SETDB1: variants seen among roughly 807,000 people sequenced by gnomAD.
SETDB1 encodes the protein SET domain bifurcated histone lysine methyltransferase 1.
SETDB1 carries 31 observed loss-of-function variants against 137.4 expected under a neutral mutation model. That is an observed-to-expected ratio of 0.23 (90% CI 0.17 to 0.30). The LOEUF (loss-of-function observed/expected upper bound fraction) is 0.30, where lower values mean the gene tolerates loss of function less well. Among genes scored for constraint, SETDB1 ranks in the 10% least tolerant of loss-of-function variants. The pLI is 1.00. For synonymous variants in SETDB1, 548 were observed against 579.9 expected, an observed-to-expected ratio of 0.95 and a Z score of 0.79; for missense variants, 1,113 against 1,631.5, an observed-to-expected ratio of 0.68 and a Z score of 5.47.
At chr1:150,932,282 A>G (rs980693274) in intron 3 of SETDB1, among the ~76,000 whole-genome samples, 1 of 151,118 alleles carries the variant, frequency 6.6e-6, no homozygotes, top group Non-Finnish European at 1.5e-5. Context: ...CATGAGGGCT[A>G]TTGGTTTATA....
Position 150,950,023 on chromosome 1 carries a change from C to T in SETDB1, c.1584-435C>T, listed in dbSNP as rs1439538378. ...CCGAGGCGGGTGGATCACCTGAGGT[C>T]GGGAGTTCGAGACCAGCCTGGCCAA... On this transcript the variant is annotated intron_variant, in intron 12 of 21. Coordinates refer to ENST00000692827, the MANE Select transcript of SETDB1 (RefSeq NM_001366418.1). Among the ~76,000 whole-genome samples, 5 of 152,188 alleles carry T rather than the reference C, an allele frequency of 3.3e-5. No homozygotes were observed. The East Asian group carries it at 9.7e-4, about 29-fold the overall frequency.
chr1:150,954,216 G>A (rs1408159317), intron 14 of SETDB1, among the ~76,000 whole-genome samples: 1 of 152,150 alleles, frequency 6.6e-6, no homozygotes, highest in African/African-American at 2.4e-5. Flanking sequence ...CCAGCTACTT[G>A]AGAGGCAGAG....
intron 3 of SETDB1, among the ~76,000 whole-genome samples, chr1:150,934,079 G>A (rs958668658): frequency 6.6e-6 from 1 of 151,724 alleles, no homozygotes; most frequent in Non-Finnish European, 1.5e-5. Flanking sequence ...CACCACACCC[G>A]GCCCCTGATT....
chr1:150,940,094 C>A (rs1055187050), intron 4 of SETDB1, 120 bp downstream of exon 4: 2 of 641,666 alleles, frequency 3.1e-6, no homozygotes, highest in Middle Eastern at 2.7e-4. Context: ...GTGATCAGCC[C>A]TTTGCGTTGC....
intron 1 of SETDB1, chr1:150,926,725 C>A (rs1271539327): frequency 5.6e-6 from 3 of 532,860 alleles, no homozygotes; most frequent in Non-Finnish European, 1.2e-5. Context: ...AAAATGGAGG[C>A]GCTGAAAATC....
chr1:150,940,877 A>G (rs992026075), intron 4 of SETDB1, among the ~76,000 whole-genome samples: 1 of 152,136 alleles, frequency 6.6e-6, no homozygotes, highest in Non-Finnish European at 1.5e-5. Context: ...ACGTGCCTGT[A>G]GTCCCAGCTG....
At chr1:150,947,046 A>G (rs768112569) in intron 10 of SETDB1, 34 bp downstream of exon 10, 1 of 1,612,354 alleles carries the variant, frequency 6.2e-7, no homozygotes, top group Admixed American at 1.7e-5. Context: ...GGAAGGAAGA[A>G]ACAGGCCAAC....
chr1:150,949,979 A>G (rs1038618395), intron 12 of SETDB1, among the ~76,000 whole-genome samples: 3 of 152,186 alleles, frequency 2.0e-5, no homozygotes, highest in Admixed American at 6.5e-5. Flanking sequence ...CATGCCTGTA[A>G]TCCCAGCACT....
In SETDB1 at chr1:150,962,651, C is replaced by T. The variant is rs145309946; in HGVS notation, c.3226C>T (p.Arg1076Cys). Residue 1076 changes from arginine (R) to cysteine (C), a missense_variant, in exon 18 of 22, where the codon CGC becomes TGC. Transcript: ENST00000692827. The part of the protein sequence containing the change: ...PSPVKPEGLR[R>C]PPSKTSMHQS... ...TCCTGTGAAGCCTGAAGGACTTCGC[C>T]GCCCACCTAGTAAGACTAGTATGCA... The T allele has an allele frequency of 4.4e-4, 709 of 1,613,494 alleles. 1 individual carries two copies. Among genetic ancestry groups the T allele is most frequent in the Non-Finnish European group, 5.5e-4 (652 of 1,179,558 alleles).
intron 9 of SETDB1, chr1:150,945,442 A>G: frequency 2.1e-6 from 1 of 476,910 alleles, no homozygotes; most frequent in East Asian, 4.2e-5. Context: ...AGTGGGACGA[A>G]GAAGAGGGAT....
In SETDB1 at chr1:150,959,220, G is replaced by T. The variant is rs985302496; in HGVS notation, c.2376G>T (p.Met792Ile). The change falls in exon 15 of 22, where the codon ATG (methionine) becomes ATT (isoleucine). Residue 792 changes from methionine (M) to isoleucine (I), a missense_variant. Physicochemically the swap from Met to Ile is conservative, Grantham distance 10. Coordinates refer to ENST00000692827, the MANE Select transcript of SETDB1 (RefSeq NM_001366418.1). ...AACGCTGCAAATGTGACCCAAACAT[G>T]TGCACAAACCGGTTGGTGCAACATG... is the stretch of plus-strand genomic sequence containing the variant. The part of the protein sequence containing the change: ...CNKRCKCDPN[M>I]CTNRLVQHGL... 2 of 1,598,228 alleles carry T rather than the reference G, an allele frequency of 1.3e-6. No individual in the cohort carries two copies. The highest frequency in any genetic ancestry group is 8.5e-7 in the Non-Finnish European group (1 of 1,175,088).
chr1:150,961,313 C>T (rs1157737346), intron 16 of SETDB1, 122 bp downstream of exon 16: 3 of 1,013,436 alleles, frequency 3.0e-6, no homozygotes, highest in East Asian at 5.3e-5. Context: ...GTGGCCACCT[C>T]GTTATCTCTC....
At chr1:150,930,963 T>C (rs777114697) in intron 3 of SETDB1, among the ~76,000 whole-genome samples, 2 of 152,114 alleles carry the variant, frequency 1.3e-5, no homozygotes, top group Non-Finnish European at 2.9e-5. Flanking sequence ...CAGTGTTGAA[T>C]AAGTTTTAAG....
At chr1:150,951,153 C>T in intron 13 of SETDB1, 63 bp downstream of exon 13, 1 of 1,509,498 alleles carries the variant, frequency 6.6e-7, no homozygotes, top group Non-Finnish European at 9.0e-7. Flanking sequence ...TGTTTCACCT[C>T]TTCCTTTGCC....
chr1:150,963,176 T>C (rs760661001), intron 19 of SETDB1, 37 bp downstream of exon 19: 6 of 1,585,386 alleles, frequency 3.8e-6, no homozygotes, highest in South Asian at 2.2e-5. Flanking sequence ...TGGGAAGAAA[T>C]AGTAAGAAAC....
rs1670806810 is a variant in SETDB1, at chr1:150,961,209, ACTCTGAGAG to A, written c.3132+21_3132+29del. 6.2e-7 allele frequency: 1 copy of A among 1,610,084 alleles called. No homozygotes were observed. The highest frequency in any genetic ancestry group is 8.5e-7 in the Non-Finnish European group (1 of 1,178,916). Reference sequence around the variant, plus strand: ...AGAAAGAGGTAAGCAGTGGCAGAACACTCTGAGAGCTATGGCTTTAACTTTGGTGCAGTA... The same window carrying A: ...AGAAAGAGGTAAGCAGTGGCAGAACACTATGGCTTTAACTTTGGTGCAGTA... On this transcript the variant is annotated intron_variant, in intron 16 of 21. Coordinates refer to ENST00000692827, the MANE Select transcript of SETDB1 (RefSeq NM_001366418.1).
intron 3 of SETDB1, 154 bp downstream of exon 3, chr1:150,930,272 A>G (rs1669682141): frequency 1.6e-6 from 1 of 616,088 alleles, no homozygotes; most frequent in South Asian, 2.0e-5. Flanking sequence ...AAAATGCAAC[A>G]TTGTTAGTAT....
Position 150,949,358 on chromosome 1 carries a change from ATC to A in SETDB1, c.1425-6_1425-5del. On this transcript the variant is annotated splice_region_variant and splice_polypyrimidine_tract_variant and intron_variant, in intron 11 of 21. Coordinates refer to ENST00000692827, the MANE Select transcript of SETDB1 (RefSeq NM_001366418.1). The stretch of plus-strand genomic sequence containing the variant: ...CCCTTACTATATGCCCTCTTCTCTA[ATC>A]TCCTAGAAGCTTGGAAAGCCAGCTT... The A allele has an allele frequency of 6.2e-7, 1 of 1,614,024 alleles. No homozygotes were observed. The highest frequency in any genetic ancestry group is 8.5e-7 in the Non-Finnish European group (1 of 1,179,984).
chr1:150,953,526 C>CAAA (rs71580345), intron 14 of SETDB1, among the ~76,000 whole-genome samples: 1 of 139,756 alleles, frequency 7.2e-6, no homozygotes. Context: ...AATTCTATCT[C>CAAA]AAAAAAAAAA....
Sources: gnomAD v4.1 joint callset for allele counts (sites outside exome capture counted in the v4.1 genomes callset) on GRCh38, gnomAD v4.1.1 for gene constraint, MANE v1.5 for transcripts, NCBI Gene and HGNC (gene_info 2026-07-23, HGNC 2026-07-21) for gene names.